Variants in CD47 observed in about 807,000 individuals in gnomAD.
The protein encoded by CD47 is leukocyte surface antigen CD47.
A neutral mutation model predicts 44.6 loss-of-function variants in CD47; 11 were observed. The ratio of observed to expected loss-of-function variants is 0.25; its 90% confidence interval spans 0.16 to 0.41. The LOEUF is 0.41. Ranked by LOEUF, CD47 falls within the 10% of genes least tolerant of loss-of-function variation. The pLI is 1.00. For synonymous variants in CD47, 140 were observed against 136.3 expected (o/e 1.03, Z -0.19); for missense variants, 306 against 386.7 (o/e 0.79, Z 1.75).
Position 108,048,061 on chromosome 3 carries a change from T to TA in CD47, c.968-770dup, listed in dbSNP as rs200049252. 1.4e-3 allele frequency among the ~76,000 whole-genome samples: 207 copies of TA among 143,958 alleles called. 3 individuals are homozygous for TA. Among genetic ancestry groups the TA allele is most frequent in the Admixed American group, 3.7e-3 (53 of 14,446 alleles). 94.4% of individuals were successfully genotyped at this position (143,958 alleles called of 152,430 possible). On this transcript the variant is annotated intron_variant, in intron 10 of 10. Transcript: ENST00000361309. Reference sequence around the variant, plus strand: ...AAGGAAAAGGAAAGGACATAGAAATTAAAAAAAAAAAATAGGACATCAGAA... The same window carrying TA: ...AAGGAAAAGGAAAGGACATAGAAATTAAAAAAAAAAAAATAGGACATCAGAA...
chr3:108,071,079 G>C lies in CD47; in HGVS notation c.490+14C>G. On this transcript the variant is annotated intron_variant, in intron 3 of 10. Transcript: ENST00000361309. Reference sequence around the variant, plus strand: ...ATCACTGAAACATAAATGAAAAGTAGAAATAATACTTACTTTTAATACCAA... The same window carrying C: ...ATCACTGAAACATAAATGAAAAGTACAAATAATACTTACTTTTAATACCAA... 1 of 1,094,952 alleles carries C rather than the reference G, an allele frequency of 9.1e-7. No homozygotes were observed. Among genetic ancestry groups the C allele is most frequent in the Middle Eastern group, 2.1e-4 (1 of 4,678 alleles). 67.8% of individuals were successfully genotyped at this position (1,094,952 alleles called of 1,614,324 possible).
At chr3:108,047,990 A>T (rs1184387988) in intron 10 of CD47, among the ~76,000 whole-genome samples, 1 of 152,208 alleles carries the variant, frequency 6.6e-6, no homozygotes, top group African/African-American at 2.4e-5. Context: ...CTGAAAATGG[A>T]GAAAAGTTTA....
chr3:108,083,782 T>TC (rs1437183082), intron 1 of CD47, among the ~76,000 whole-genome samples: 2 of 151,968 alleles, frequency 1.3e-5, no homozygotes, highest in Non-Finnish European at 2.9e-5. Context: ...TCCCATACTC[T>TC]CCAACAGTCC....
intron 8 of CD47, among the ~76,000 whole-genome samples, chr3:108,051,529 T>C (rs1376327818): frequency 6.6e-6 from 1 of 152,228 alleles, no homozygotes; most frequent in Non-Finnish European, 1.5e-5. Flanking sequence ...TTTTATAGAT[T>C]ATAATTATCA....
At chr3:108,066,920 TA>T (rs1459379476) in intron 3 of CD47, among the ~76,000 whole-genome samples, 3 of 152,108 alleles carry the variant, frequency 2.0e-5, no homozygotes, top group Non-Finnish European at 4.4e-5. Context: ...AAATAAACTT[TA>T]AACATTCAAA....
chr3:108,076,236 T>C (rs571941066), intron 2 of CD47, among the ~76,000 whole-genome samples: 1 of 152,296 alleles, frequency 6.6e-6, no homozygotes, highest in Admixed American at 6.5e-5. Flanking sequence ...AGAAAACTAA[T>C]ACAAAGATCT....
chr3:108,057,882 A>C (rs1576992535), intron 6 of CD47, among the ~76,000 whole-genome samples: 1 of 152,238 alleles, frequency 6.6e-6, no homozygotes. Flanking sequence ...GTGCTAGAAC[A>C]ATCAGCCACC....
Position 108,091,026 on chromosome 3 carries a change from G to C in CD47, c.-118C>G. ...CGTCACAGGCAGGACCCACTGCCCA[G>C]GCTGCACGGCCGCGCGCACGCGCGC... On this transcript the variant is annotated 5_prime_UTR_variant, in exon 1 of 11. Coordinates refer to ENST00000361309, the MANE Select transcript of CD47 (RefSeq NM_001777.4). 2 of 564,946 alleles carry C rather than the reference G, an allele frequency of 3.5e-6. No homozygotes were observed. Among genetic ancestry groups the C allele is most frequent in the Middle Eastern group, 5.6e-4 (1 of 1,782 alleles). The allele number at this position is 564,946 out of a possible 1,614,324, so 35.0% of individuals were successfully genotyped here. A position where few individuals can be genotyped will look rare whatever the true frequency, so the allele number is the denominator to read the frequency against.
intron 3 of CD47, among the ~76,000 whole-genome samples, chr3:108,068,834 C>T (rs1450878969): frequency 6.6e-6 from 1 of 152,174 alleles, no homozygotes; most frequent in Non-Finnish European, 1.5e-5. Flanking sequence ...TGAGCGCAGG[C>T]TGGGTGAATC....
rs570743691 is a variant in CD47, at chr3:108,068,685, A to G, written c.490+2408T>C. Among the ~76,000 whole-genome samples, 9 of 152,306 alleles carry G rather than the reference A, an allele frequency of 5.9e-5. No homozygotes were observed. The South Asian group carries it at 1.9e-3, about 32-fold the overall frequency. On this transcript the variant is annotated intron_variant, in intron 3 of 10. Coordinates refer to ENST00000361309, the MANE Select transcript of CD47 (RefSeq NM_001777.4). The stretch of plus-strand genomic sequence containing the variant: ...TGTTTCTTATCTACAAAACGGGAAT[A>G]ACAACAGTGTCTATGCCCATAGAGT...
At chr3:108,057,616 C>A in intron 6 of CD47, 47 bp from the exon 7 acceptor site, 2 of 965,210 alleles carry the variant, frequency 2.1e-6, no homozygotes, top group Admixed American at 2.0e-5. Context: ...TATGAAATAA[C>A]TTACTAAAAA....
At chr3:108,055,682 G>C (rs1282122557) in intron 7 of CD47, 3 of 486,964 alleles carry the variant, frequency 6.2e-6, no homozygotes, top group Non-Finnish European at 1.1e-5. Context: ...TTAGCATATA[G>C]TATACTTATA....
intron 7 of CD47, among the ~76,000 whole-genome samples, chr3:108,056,097 A>C (rs2078909023): frequency 6.6e-6 from 1 of 152,228 alleles, no homozygotes; most frequent in Admixed American, 6.5e-5. Flanking sequence ...TGTGGGGAGC[A>C]ACAAAACCAG....
Position 108,047,291 on chromosome 3 carries a change from T to C in CD47, c.969A>G (p.Glu323=), listed in dbSNP as rs778970943. The change falls in exon 11 of 11, where the codon GAA becomes GAG. Residue 323 remains glutamate (E), a splice_region_variant and synonymous_variant. Transcript: ENST00000361309. ...GGAGTCCATCACTTCACTTCAGTTATTCTGGAAAATTGAAAAATGAACACA... is the reference window on the plus strand; with the variant it reads ...GGAGTCCATCACTTCACTTCAGTTACTCTGGAAAATTGAAAAATGAACACA... ...FKESKGMMND[E] 1.2e-6 allele frequency: 2 copies of C among 1,605,892 alleles called. No homozygotes were observed. Among genetic ancestry groups the C allele is most frequent in the Admixed American group, 1.7e-5 (1 of 59,660 alleles).
chr3:108,050,800 T>C (rs1157390573), intron 8 of CD47, 198 bp from the exon 9 acceptor site: 1 of 505,532 alleles, frequency 2.0e-6, no homozygotes, highest in South Asian at 2.0e-5. Context: ...AATAGTTTAA[T>C]AATAACTGTA....
chr3:108,056,848 A>C (rs1286117321), intron 7 of CD47, among the ~76,000 whole-genome samples: 1 of 152,202 alleles, frequency 6.6e-6, no homozygotes, highest in African/African-American at 2.4e-5. Flanking sequence ...TAAATTCCAT[A>C]CTTACTAATA....
At chr3:108,073,416 G>A (rs2079247472) in intron 2 of CD47, among the ~76,000 whole-genome samples, 1 of 152,172 alleles carries the variant, frequency 6.6e-6, no homozygotes, top group Non-Finnish European at 1.5e-5. Context: ...AAGGCCAGCA[G>A]TGAACAATGC....
Position 108,044,415 on chromosome 3 carries a change from C to CAAAA in CD47, c.*2869_*2872dup, listed in dbSNP as rs55777019. On this transcript the variant is annotated 3_prime_UTR_variant, in exon 11 of 11. Coordinates refer to ENST00000361309, the MANE Select transcript of CD47 (RefSeq NM_001777.4). The stretch of plus-strand genomic sequence containing the variant: ...GGTTTTTAGAGCATGTGAAATTAGT[C>CAAAA]AAAAAAAAAAAAAAAAAAAAAAAAA... 3.5e-4 allele frequency: 12 copies of CAAAA among 34,112 alleles called. No individual in the cohort carries two copies. The highest frequency in any genetic ancestry group is 7.7e-4 in the African/African-American group (8 of 10,456). 2.1% of individuals were successfully genotyped at this position (34,112 alleles called of 1,614,324 possible). A position where few individuals can be genotyped will look rare whatever the true frequency, so the allele number is the denominator to read the frequency against.
At position 108,060,888 on chromosome 3, in the gene CD47, A is replaced by G. The variant is rs371679434; in HGVS notation, c.491-36T>C. On this transcript the variant is annotated intron_variant, in intron 3 of 10. Coordinates refer to ENST00000361309, the MANE Select transcript of CD47 (RefSeq NM_001777.4). ...AAAAACAAAGAATTATATGAACTCA[A>G]TCACAAGTGAAGCCATTTTAATAAC... 1.8e-4 allele frequency: 241 copies of G among 1,361,722 alleles called. 1 individual carries two copies. The highest frequency in any genetic ancestry group is 4.5e-4 in the Admixed American group (27 of 59,416). 84.4% of individuals were successfully genotyped at this position (1,361,722 alleles called of 1,614,324 possible). A position where few individuals can be genotyped will look rare whatever the true frequency, so the allele number is the denominator to read the frequency against.
Sources: allele counts gnomAD v4.1 joint callset (sites outside exome capture counted in the v4.1 genomes callset), GRCh38; gene constraint gnomAD v4.1.1; transcripts MANE v1.5; gene names NCBI Gene and HGNC (gene_info 2026-07-23, HGNC 2026-07-21).